The following SSBP3 variants were observed in gnomAD, a reference collection of about 807,000 sequenced individuals.
SSBP3 encodes single stranded DNA binding protein 3, also known as single-stranded DNA-binding protein 3.
In SSBP3, 5 loss-of-function variants were observed where a neutral mutation model predicts 69.6. The observed-to-expected ratio is 0.07, with a 90% CI of 0.04 to 0.15. The LOEUF is 0.15. Among genes scored for constraint, SSBP3 ranks in the 10% least tolerant of loss-of-function variants. The probability of loss-of-function intolerance (pLI) is 1.00; values close to 1 mark genes in which losing one functional copy is unlikely to be tolerated. For synonymous variants in SSBP3, 196 were observed against 193.4 expected (o/e 1.01, Z -0.11); for missense variants, 312 against 534.0 (o/e 0.58, Z 4.10).
intron 3 of SSBP3, among the ~76,000 whole-genome samples, chr1:54,403,811 A>G (rs1166797946): frequency 6.6e-6 from 1 of 152,104 alleles, no homozygotes; most frequent in African/African-American, 2.4e-5. Context: ...TCATATACCT[A>G]GGGCAACTGG....
chr1:54,244,582 A>C (rs1644701816), intron 9 of SSBP3, among the ~76,000 whole-genome samples: 2 of 152,220 alleles, frequency 1.3e-5, no homozygotes, highest in Admixed American at 6.5e-5. Flanking sequence ...GAACTCACGA[A>C]GTCCCAGCAG....
chr1:54,410,557 T>C (rs190154438), upstream of SSBP3, among the ~76,000 whole-genome samples: 25 of 152,304 alleles, frequency 1.6e-4, no homozygotes, highest in East Asian at 4.6e-3. Context: ...AGTCCTAGAA[T>C]TGCACGGGGA....
At chr1:54,249,225 T>TA (rs1439520743) in intron 9 of SSBP3, among the ~76,000 whole-genome samples, 1 of 152,184 alleles carries the variant, frequency 6.6e-6, no homozygotes, top group Non-Finnish European at 1.5e-5. Flanking sequence ...ATCTCAGTGT[T>TA]ACGATGGTCC....
intron 12 of SSBP3, 71 bp from the exon 13 acceptor site, chr1:54,241,030 C>A: frequency 6.6e-7 from 1 of 1,516,604 alleles, no homozygotes; most frequent in East Asian, 2.3e-5. Flanking sequence ...CGGCATCCTC[C>A]CTCCCTGGTC....
chr1:54,285,886 C>T (rs913874274), intron 4 of SSBP3, among the ~76,000 whole-genome samples: 6 of 152,182 alleles, frequency 3.9e-5, no homozygotes, highest in Non-Finnish European at 8.8e-5. Flanking sequence ...TGGGAGCCCA[C>T]GGACAGGCCC....
chr1:54,303,079 C>T (rs759716224), intron 4 of SSBP3, among the ~76,000 whole-genome samples: 7 of 152,228 alleles, frequency 4.6e-5, no homozygotes, highest in African/African-American at 7.2e-5. Flanking sequence ...ATAAAGTACA[C>T]GCTGTACAAC....
intron 4 of SSBP3, among the ~76,000 whole-genome samples, chr1:54,397,711 T>C (rs1648994357): frequency 1.3e-5 from 2 of 152,226 alleles, no homozygotes. Context: ...ACTCCCCAAG[T>C]TCTTCACTGG....
Position 54,258,809 on chromosome 1 carries a change from A to G in SSBP3, c.367-660T>C, listed in dbSNP as rs1461543396. Among the ~76,000 whole-genome samples, 3 of 152,224 alleles carry G rather than the reference A, an allele frequency of 2.0e-5. No individual in the cohort carries two copies. The highest frequency in any genetic ancestry group is 7.2e-5 in the African/African-American group (3 of 41,456). ...TGAGTGAGGGCCACACGGTGTGGGCAGCACAGACTCGCACACCGTGAATTC... is the reference window on the plus strand; with the variant it reads ...TGAGTGAGGGCCACACGGTGTGGGCGGCACAGACTCGCACACCGTGAATTC... On this transcript the variant is annotated intron_variant, in intron 5 of 17. Coordinates refer to ENST00000610401, the Ensembl canonical transcript of SSBP3. This position sits in a 1 kb window ranked among gnomAD's most constrained non-coding sequence, Gnocchi z 4.5.
chr1:54,268,668 T>C (rs574412561), intron 5 of SSBP3, among the ~76,000 whole-genome samples: 192 of 152,304 alleles, frequency 1.3e-3, no homozygotes, highest in Non-Finnish European at 1.9e-3. Flanking sequence ...GAAAACTCGG[T>C]AGTTTTTCAT....
At chr1:54,289,081 T>TA (rs11392510) in intron 4 of SSBP3, among the ~76,000 whole-genome samples, 57,774 of 146,626 alleles carry the variant, frequency 0.39, 12,006 homozygotes, top group African/African-American at 0.44. Flanking sequence ...CTCACCCCTG[T>TA]AGTTCCCAGG....
At position 54,289,504 on chromosome 1, in the gene SSBP3, C is replaced by G. The variant is rs551220250; in HGVS notation, c.277-7977G>C. 2.6e-5 allele frequency among the ~76,000 whole-genome samples: 4 copies of G among 152,280 alleles called. No individual in the cohort carries two copies. In the South Asian group the frequency reaches 8.3e-4, roughly 32 times the overall value. On this transcript the variant is annotated intron_variant, in intron 4 of 17. Coordinates refer to ENST00000610401, the Ensembl canonical transcript of SSBP3. ...GCGCTGTGCTCACCAGAGCAGATGA[C>G]AGGTTGCAGGTCTGCCCTGCAGGTC...
chr1:54,304,805 T>C lies in SSBP3; in HGVS notation c.277-23278A>G, dbSNP rs564646422. Among the ~76,000 whole-genome samples, 83 of 152,298 alleles carry C rather than the reference T, an allele frequency of 5.4e-4. 1 individual carries two copies. Among genetic ancestry groups the C allele is most frequent in the African/African-American group, 2.0e-3 (82 of 41,552 alleles). On this transcript the variant is annotated intron_variant, in intron 4 of 17. Transcript: ENST00000610401. ...TCACCAGTGGAAACAACCCAGGGCC[T>C]TGTAAAAAGCCTCTCAGCTGTCCTC... is the stretch of plus-strand genomic sequence containing the variant.
At chr1:54,265,035 C>T (rs943267469) in intron 5 of SSBP3, among the ~76,000 whole-genome samples, 2 of 152,148 alleles carry the variant, frequency 1.3e-5, no homozygotes, top group Non-Finnish European at 2.9e-5. Context: ...GATAGACAAT[C>T]CAATTTGCTC....
intron 4 of SSBP3, among the ~76,000 whole-genome samples, chr1:54,333,012 A>T (rs907310421): frequency 1.3e-5 from 2 of 152,186 alleles, no homozygotes; most frequent in Non-Finnish European, 2.9e-5. Flanking sequence ...TGCGCTTGAC[A>T]ACCAGGGCTT....
At chr1:54,331,067 A>C (rs1007864614) in intron 4 of SSBP3, among the ~76,000 whole-genome samples, 3 of 152,214 alleles carry the variant, frequency 2.0e-5, no homozygotes, top group Admixed American at 6.5e-5. Flanking sequence ...GCCCTTCAAA[A>C]TTTCCTTCTT....
intron 14 of SSBP3, among the ~76,000 whole-genome samples, chr1:54,229,758 T>C (rs1032035954): frequency 6.7e-6 from 1 of 150,322 alleles, no homozygotes; most frequent in African/African-American, 2.5e-5. Flanking sequence ...GGGAAGGGAG[T>C]GGAGGTGGTG....
chr1:54,260,491 A>G (rs538695016), intron 5 of SSBP3, among the ~76,000 whole-genome samples: 41 of 152,360 alleles, frequency 2.7e-4, no homozygotes, highest in African/African-American at 9.6e-4. Flanking sequence ...TGGGGCCTCA[A>G]TCTACGGCAG....
chr1:54,378,480 G>T (rs76618808), intron 4 of SSBP3, among the ~76,000 whole-genome samples: 1 of 152,212 alleles, frequency 6.6e-6, no homozygotes, highest in Non-Finnish European at 1.5e-5. Flanking sequence ...CAGGGAAAGG[G>T]GTGTAAGGCC....
At chr1:54,378,903 A>C (rs941066851) in intron 4 of SSBP3, among the ~76,000 whole-genome samples, 2 of 152,176 alleles carry the variant, frequency 1.3e-5, no homozygotes, top group Non-Finnish European at 2.9e-5. Context: ...TTTCACTCAC[A>C]CAGCTCTGGG....
Sources: gnomAD v4.1 joint callset for allele counts (sites outside exome capture counted in the v4.1 genomes callset) on GRCh38, gnomAD v4.1.1 for gene constraint, Gnocchi (gnomAD v3.1) non-coding constraint, MANE v1.5 for transcripts, NCBI Gene and HGNC (gene_info 2026-07-23, HGNC 2026-07-21) for gene names.